CDH18: variants seen among roughly 807,000 people sequenced by gnomAD.
CDH18 encodes the protein cadherin 18.
In CDH18, 31 loss-of-function variants were observed where a neutral mutation model predicts 67.9. That is an observed-to-expected ratio of 0.46 (90% CI 0.34 to 0.62). CDH18 has a LOEUF of 0.62. CDH18 is among the 20% of genes least tolerant of loss of function. The probability of loss-of-function intolerance (pLI) is 0.01; values close to 1 mark genes in which losing one functional copy is unlikely to be tolerated. For synonymous variants in CDH18, 362 were observed against 347.2 expected (o/e 1.04, Z -0.48); for missense variants, 890 against 975.5 (o/e 0.91, Z 1.17).
chr5:19,734,418 C>T (rs1294166225), intron 4 of CDH18, among the ~76,000 whole-genome samples: 1 of 151,988 alleles, frequency 6.6e-6, no homozygotes, highest in Non-Finnish European at 1.5e-5. Flanking sequence ...TGTTTTTGTT[C>T]CCCTGTGATA....
intron 2 of CDH18, among the ~76,000 whole-genome samples, chr5:20,139,582 G>GA (rs1750057186): frequency 6.6e-6 from 1 of 152,032 alleles, no homozygotes; most frequent in Admixed American, 6.6e-5. Context: ...ACAAAGGGCT[G>GA]ATATCCAGAA....
At chr5:19,703,922 T>C (rs1763616907) in intron 5 of CDH18, among the ~76,000 whole-genome samples, 3 of 152,192 alleles carry the variant, frequency 2.0e-5, no homozygotes, top group Non-Finnish European at 4.4e-5. Flanking sequence ...TAGGTAGATC[T>C]AGTTTAAATG....
chr5:20,093,588 AT>A (rs1745629980), intron 2 of CDH18, among the ~76,000 whole-genome samples: 1 of 152,166 alleles, frequency 6.6e-6, no homozygotes, highest in African/African-American at 2.4e-5. Flanking sequence ...TACCTTAATG[AT>A]TTCATTATTC....
chr5:19,670,303 T>C (rs146738703), intron 5 of CDH18, among the ~76,000 whole-genome samples: 93 of 152,274 alleles, frequency 6.1e-4, no homozygotes, highest in Non-Finnish European at 9.4e-4. Context: ...GGTTTTCATA[T>C]GAAAATTCTA....
intron 2 of CDH18, among the ~76,000 whole-genome samples, chr5:19,865,081 C>G (rs1054774712): frequency 2.3e-4 from 35 of 152,088 alleles, no homozygotes; most frequent in Non-Finnish European, 2.8e-4. Flanking sequence ...TCTTTCTGCC[C>G]TAGGTCATTC....
intron 2 of CDH18, among the ~76,000 whole-genome samples, chr5:19,849,568 C>A (rs944857406): frequency 6.7e-6 from 1 of 149,384 alleles, no homozygotes; most frequent in African/African-American, 2.5e-5. Flanking sequence ...ATGAAGTATA[C>A]AAATTAGCAT....
chr5:20,101,763 A>G (rs1177916766), intron 2 of CDH18, among the ~76,000 whole-genome samples: 1 of 152,176 alleles, frequency 6.6e-6, no homozygotes, highest in African/African-American at 2.4e-5. Flanking sequence ...ATCTGATAAT[A>G]GAAAGGCTGT....
intron 2 of CDH18, among the ~76,000 whole-genome samples, chr5:20,236,039 C>T (rs1464294942): frequency 6.6e-6 from 1 of 151,924 alleles, no homozygotes; most frequent in African/African-American, 2.4e-5. Context: ...ATTGGGTATA[C>T]CTGGTCACAA....
intron 1 of CDH18, among the ~76,000 whole-genome samples, chr5:20,325,562 A>G (rs1381813464): frequency 6.6e-6 from 1 of 151,982 alleles, no homozygotes; most frequent in Non-Finnish European, 1.5e-5. Context: ...CCTCATTCTT[A>G]GGGATCTTTT....
At chr5:19,557,440 A>G (rs1431356765) in intron 8 of CDH18, among the ~76,000 whole-genome samples, 1 of 152,072 alleles carries the variant, frequency 6.6e-6, no homozygotes, top group Non-Finnish European at 1.5e-5. Flanking sequence ...GGGTGGAAAC[A>G]GATATTTCAT....
chr5:19,889,061 G>C (rs1352520934), intron 2 of CDH18, among the ~76,000 whole-genome samples: 1 of 152,034 alleles, frequency 6.6e-6, no homozygotes, highest in African/African-American at 2.4e-5. Flanking sequence ...ATCATCATTA[G>C]ATTGCTTATA....
chr5:19,626,155 G>A (rs1319827889), intron 5 of CDH18, among the ~76,000 whole-genome samples: 1 of 152,090 alleles, frequency 6.6e-6, no homozygotes, highest in Non-Finnish European at 1.5e-5. Flanking sequence ...TTTTCATGGG[G>A]AGAGGACACC....
intron 2 of CDH18, among the ~76,000 whole-genome samples, chr5:20,237,768 G>A (rs1742590033): frequency 6.6e-6 from 1 of 151,828 alleles, no homozygotes; most frequent in African/African-American, 2.4e-5. Context: ...AATTCCAATT[G>A]AAATTCAAGT....
chr5:19,495,785 A>C (rs1742227905), intron 11 of CDH18, among the ~76,000 whole-genome samples: 2 of 151,932 alleles, frequency 1.3e-5, no homozygotes, highest in Admixed American at 6.6e-5. Context: ...TGGGCAGCAG[A>C]AAACTGCTGA....
At chr5:20,490,522 A>G (rs1753526630) in intron 1 of CDH18, among the ~76,000 whole-genome samples, 1 of 152,272 alleles carries the variant, frequency 6.6e-6, no homozygotes, top group East Asian at 1.9e-4. Flanking sequence ...ATGAAGATAA[A>G]GAGGAAATGT....
At chr5:20,476,936 T>C (rs1561043447) in intron 1 of CDH18, among the ~76,000 whole-genome samples, 1 of 152,180 alleles carries the variant, frequency 6.6e-6, no homozygotes, top group Non-Finnish European at 1.5e-5. Context: ...GTAACAGAGA[T>C]TTTTAAAATA....
At chr5:20,248,570 T>C (rs1031021125) in intron 2 of CDH18, among the ~76,000 whole-genome samples, 1 of 152,144 alleles carries the variant, frequency 6.6e-6, no homozygotes, top group Non-Finnish European at 1.5e-5. Flanking sequence ...GCTACTTATT[T>C]AGGAAACAGA....
chr5:20,399,601 A>G (rs866670339), intron 1 of CDH18, among the ~76,000 whole-genome samples: 11 of 152,218 alleles, frequency 7.2e-5, no homozygotes, highest in Non-Finnish European at 1.2e-4. Context: ...CATCTTTTAT[A>G]AAATGGAGTT....
intron 1 of CDH18, among the ~76,000 whole-genome samples, chr5:20,411,398 C>CA (rs35944483): frequency 2.0e-5 from 3 of 151,482 alleles, no homozygotes; most frequent in Non-Finnish European, 3.0e-5. Flanking sequence ...ATTATATACA[C>CA]AAAAAAAAGT....
Sources: gnomAD v4.1 joint callset for allele counts (sites outside exome capture counted in the v4.1 genomes callset) on GRCh38, gnomAD v4.1.1 for gene constraint, MANE v1.5 for transcripts, NCBI Gene and HGNC (gene_info 2026-07-23, HGNC 2026-07-21) for gene names.